DCLK1: variants seen among roughly 807,000 people sequenced by gnomAD.
DCLK1 encodes doublecortin like kinase 1, also known as serine/threonine-protein kinase DCLK1.
A neutral mutation model predicts 86.2 loss-of-function variants in DCLK1; 16 were observed. The observed-to-expected ratio is 0.19, with a 90% CI of 0.13 to 0.28. DCLK1 has a LOEUF of 0.28. DCLK1 is among the 10% of genes least tolerant of loss of function. The pLI is 1.00. For missense variants in DCLK1, 590 were observed against 940.2 expected (o/e 0.63, Z 4.87); for synonymous variants, 369 against 370.5 (o/e 1.00, Z 0.05).
chr13:36,122,738 A>G (rs1291374158), intron 2 of DCLK1, among the ~76,000 whole-genome samples: 2 of 152,214 alleles, frequency 1.3e-5, no homozygotes, highest in African/African-American at 2.4e-5. Flanking sequence ...GGCCATTTTG[A>G]AAGCAAACAA....
intron 3 of DCLK1, among the ~76,000 whole-genome samples, chr13:36,109,524 C>A (rs1199644666): frequency 1.3e-5 from 2 of 152,162 alleles, no homozygotes; most frequent in African/African-American, 4.8e-5. Flanking sequence ...GGATAATAAG[C>A]AAGTTGTTAT....
chr13:35,879,694 G>T (rs1166773557), intron 4 of DCLK1, among the ~76,000 whole-genome samples: 1 of 152,154 alleles, frequency 6.6e-6, no homozygotes, highest in Non-Finnish European at 1.5e-5. Flanking sequence ...AACCCCGGGG[G>T]AAAGCAGAAA....
intron 3 of DCLK1, among the ~76,000 whole-genome samples, chr13:35,966,898 G>A (rs1483459287): frequency 6.6e-6 from 1 of 152,044 alleles, no homozygotes; most frequent in East Asian, 2.0e-4. Context: ...CCAAAGTGCC[G>A]AGATTGCAGC....
At chr13:35,929,708 T>C (rs574385368) in intron 4 of DCLK1, among the ~76,000 whole-genome samples, 1 of 152,328 alleles carries the variant, frequency 6.6e-6, no homozygotes, top group South Asian at 2.1e-4. Flanking sequence ...TCTTCAGCTG[T>C]GTCCTCTGAT....
At chr13:35,993,158 G>C (rs187534997) in intron 3 of DCLK1, among the ~76,000 whole-genome samples, 10 of 152,224 alleles carry the variant, frequency 6.6e-5, no homozygotes, top group African/African-American at 2.4e-4. Flanking sequence ...AGTTGCTCAA[G>C]CTGCTCTGCT....
intron 4 of DCLK1, among the ~76,000 whole-genome samples, chr13:35,927,851 G>A (rs1180432382): frequency 6.6e-6 from 1 of 152,148 alleles, no homozygotes; most frequent in African/African-American, 2.4e-5. Flanking sequence ...AATCACCCAT[G>A]CCTACATAAC....
chr13:35,798,189 AT>A (rs2153100465), intron 15 of DCLK1, among the ~76,000 whole-genome samples: 1 of 152,218 alleles, frequency 6.6e-6, no homozygotes, highest in East Asian at 1.9e-4. Context: ...CCTGGTCTCC[AT>A]TTCTCTAGGG....
intron 3 of DCLK1, among the ~76,000 whole-genome samples, chr13:36,049,783 A>G (rs1191339676): frequency 6.6e-6 from 1 of 152,192 alleles, no homozygotes; most frequent in Non-Finnish European, 1.5e-5. Flanking sequence ...TGGCTATGGA[A>G]AGAGAGCAAA....
intron 6 of DCLK1, chr13:35,850,427 T>C (rs1407045977): frequency 3.0e-5 from 32 of 1,075,060 alleles, no homozygotes; most frequent in Non-Finnish European, 3.6e-5. Flanking sequence ...GTACTCAATA[T>C]TGGGTCCGTG....
intron 6 of DCLK1, chr13:35,847,813 G>A (rs1430947891): frequency 2.8e-5 from 28 of 984,828 alleles, no homozygotes; most frequent in African/African-American, 1.6e-4. Flanking sequence ...CAATATATGC[G>A]CACAGGGATG....
At chr13:36,036,763 T>G (rs1381930618) in intron 3 of DCLK1, among the ~76,000 whole-genome samples, 1 of 152,194 alleles carries the variant, frequency 6.6e-6, no homozygotes, top group East Asian at 1.9e-4. Flanking sequence ...TAATTTTGAA[T>G]GTAATTGTTG....
At chr13:35,999,313 A>G (rs1219831851) in intron 3 of DCLK1, among the ~76,000 whole-genome samples, 1 of 152,146 alleles carries the variant, frequency 6.6e-6, no homozygotes, top group Non-Finnish European at 1.5e-5. Flanking sequence ...CTTTTTCTGA[A>G]TAGTCAATGG....
At position 35,786,024 on chromosome 13, in the gene DCLK1, C is replaced by T. The variant is rs2086615035; in HGVS notation, c.2058+7342G>A. ...TAACTATAAACATTGTTGTTACTGC[C>T]CCAGCTGGAAAACAGAGCACTTTAT... is the stretch of plus-strand genomic sequence containing the variant. On this transcript the variant is annotated intron_variant, in intron 16 of 16. Transcript: ENST00000360631. Among the ~76,000 whole-genome samples, 7 of 152,180 alleles carry T rather than the reference C, an allele frequency of 4.6e-5. No individual in the cohort carries two copies. In the South Asian group the frequency reaches 1.5e-3, roughly 32 times the overall value.
At chr13:35,913,998 AGAG>A (rs1875211304) in intron 4 of DCLK1, among the ~76,000 whole-genome samples, 2 of 152,116 alleles carry the variant, frequency 1.3e-5, no homozygotes, top group African/African-American at 4.8e-5. Context: ...AGTATAGGAA[AGAG>A]GTACGAATTT....
At position 35,918,892 on chromosome 13, in the gene DCLK1, G is replaced by GTGTTTTTTTTTTTTTTTTTTT. The variant is rs780502143; in HGVS notation, c.823+28465_823+28466insAAAAAAAAAAAAAAAAAAACA. Reference sequence around the variant, plus strand: ...AAAAAGAAATCTTCCTTCTGAGTGTGTTTTTTTTTTTTTTTTTGGAAACGG... The same window carrying GTGTTTTTTTTTTTTTTTTTTT: ...AAAAAGAAATCTTCCTTCTGAGTGTGTGTTTTTTTTTTTTTTTTTTTTTTTTTTTTTTTTTTTTGGAAACGG... On this transcript the variant is annotated intron_variant, in intron 4 of 16. Coordinates refer to ENST00000360631, the MANE Select transcript of DCLK1 (RefSeq NM_001330071.2). Among the ~76,000 whole-genome samples, 4 of 76,324 alleles carry GTGTTTTTTTTTTTTTTTTTTT rather than the reference G, an allele frequency of 5.2e-5. No homozygotes were observed. In the South Asian group the frequency reaches 2.4e-3, roughly 45 times the overall value. The allele number at this position is 76,324 out of a possible 152,430, so 50.1% of individuals were successfully genotyped here.
chr13:35,813,443 C>T (rs1253394695), intron 11 of DCLK1, among the ~76,000 whole-genome samples: 1 of 152,108 alleles, frequency 6.6e-6, no homozygotes, highest in East Asian at 1.9e-4. Context: ...GAAAAGTTTT[C>T]TTTTCGAACA....
intron 3 of DCLK1, among the ~76,000 whole-genome samples, chr13:36,084,300 T>C (rs1165046510): frequency 6.6e-6 from 1 of 152,158 alleles, no homozygotes; most frequent in East Asian, 1.9e-4. Flanking sequence ...AGTTCATGAT[T>C]CTTGGTTTTA....
At chr13:36,031,594 CCTTATT>C (rs1882274349) in intron 3 of DCLK1, among the ~76,000 whole-genome samples, 1 of 152,012 alleles carries the variant, frequency 6.6e-6, no homozygotes, top group Admixed American at 6.6e-5. Context: ...TAAAAAGGTT[CCTTATT>C]CTTATTAGAT....
At chr13:35,895,926 A>AT (rs911233656) in intron 4 of DCLK1, among the ~76,000 whole-genome samples, 3 of 42,872 alleles carry the variant, frequency 7.0e-5, no homozygotes, top group Non-Finnish European at 1.3e-4. Flanking sequence ...CGCCAGATTG[A>AT]TTTTTTTATG....
Sources: allele counts gnomAD v4.1 joint callset (sites outside exome capture counted in the v4.1 genomes callset), GRCh38; gene constraint gnomAD v4.1.1; transcripts MANE v1.5; gene names NCBI Gene and HGNC (gene_info 2026-07-23, HGNC 2026-07-21).